Variants in VWF observed in about 807,000 individuals in gnomAD.
The protein encoded by VWF is Factor VIII related antigen.
A neutral mutation model predicts 308.6 loss-of-function variants in VWF; 176 were observed. The observed-to-expected ratio is 0.57, with a 90% CI of 0.50 to 0.65. The LOEUF (loss-of-function observed/expected upper bound fraction) is 0.65. VWF is among the 30% of genes least tolerant of loss of function. The pLI, the probability that VWF is intolerant of heterozygous loss-of-function variation, is 0.00. For missense variants in VWF, 3,146 were observed against 3,648.2 expected, an observed-to-expected ratio of 0.86 and a Z score of 3.55; for synonymous variants, 1,385 against 1,443.4, an observed-to-expected ratio of 0.96 and a Z score of 0.92.
intron 6 of VWF, among the ~76,000 whole-genome samples, chr12:6,078,777 C>G (rs1244556245): frequency 1.3e-5 from 2 of 152,156 alleles, no homozygotes; most frequent in Non-Finnish European, 2.9e-5. Flanking sequence ...GCACCCTCCC[C>G]TCTCAGAGCC....
intron 5 of VWF, among the ~76,000 whole-genome samples, chr12:6,109,402 T>C (rs1027873279): frequency 2.0e-5 from 3 of 152,220 alleles, no homozygotes; most frequent in African/African-American, 7.2e-5. Context: ...GCCCTAAATG[T>C]ACATATCAGA....
chr12:6,105,080 T>C (rs748828504), intron 5 of VWF, among the ~76,000 whole-genome samples: 16 of 152,112 alleles, frequency 1.1e-4, no homozygotes, highest in Non-Finnish European at 2.2e-4. Flanking sequence ...TGATAGATAT[T>C]GGAGACTCAG....
At chr12:6,014,931 T>C (rs1321678871) in intron 31 of VWF, among the ~76,000 whole-genome samples, 1 of 152,234 alleles carries the variant, frequency 6.6e-6, no homozygotes, top group East Asian at 1.9e-4. Context: ...TCTTTCCCAG[T>C]GAAAATCTTT....
At chr12:6,036,852 T>G (rs946574780) in intron 18 of VWF, among the ~76,000 whole-genome samples, 2 of 152,316 alleles carry the variant, frequency 1.3e-5, no homozygotes, top group Non-Finnish European at 2.9e-5. Context: ...AATGCACATA[T>G]TCTTACACCT....
At position 5,969,333 on chromosome 12, in the gene VWF, A is replaced by C. The variant is rs1368057909; in HGVS notation, c.7607T>G (p.Val2536Gly). Residue 2536 changes from valine to glycine, a missense_variant, in exon 45 of 52, where the codon GTG becomes GGG. Physicochemically the swap from Val to Gly is moderately radical, Grantham distance 109 (BLOSUM62 -3). Transcript: ENST00000261405. ...NPCLINECVR[V>G]KEEVFIQQRN... ...TTGTTGTATAAAGACCTCCTCCTTC[A>C]CTCGGACACACTCATTGATGAGGCA... 6.2e-7 allele frequency: 1 copy of C among 1,614,168 alleles called. No homozygotes were observed. The highest frequency in any genetic ancestry group is 2.2e-5 in the East Asian group (1 of 44,860).
chr12:6,040,856 T>C (rs1230215066), intron 18 of VWF, among the ~76,000 whole-genome samples: 2 of 152,166 alleles, frequency 1.3e-5, no homozygotes, highest in African/African-American at 4.8e-5. Context: ...AGGGGTTCTT[T>C]CTCTGCCCCC....
rs780588032 is a variant in VWF at position 5,969,302 on chromosome 12, G to A, written c.7638C>T (p.Asn2546=). 60 of 1,614,064 alleles carry A rather than the reference G, an allele frequency of 3.7e-5. No homozygotes were observed. The highest frequency in any genetic ancestry group is 4.8e-5 in the Non-Finnish European group (57 of 1,180,038). ...VKEEVFIQQR[N]VSCPQLEVPV... is the part of the protein sequence containing the mutation. Reference sequence around the variant, plus strand: ...GGACCTCCAGCTGGGGGCAGGAGACGTTCCTTTGTTGTATAAAGACCTCCT... The same window carrying A: ...GGACCTCCAGCTGGGGGCAGGAGACATTCCTTTGTTGTATAAAGACCTCCT... Residue 2546 remains asparagine (N), a synonymous_variant, in exon 45 of 52, where the codon AAC becomes AAT. Transcript: ENST00000261405.
chr12:6,089,165 C>A (rs988658459), intron 6 of VWF, among the ~76,000 whole-genome samples: 1 of 152,144 alleles, frequency 6.6e-6, no homozygotes, highest in African/African-American at 2.4e-5. Flanking sequence ...GGGGGCCCTG[C>A]GGGACTACAC....
rs746371486 is a variant in VWF at position 6,123,132 on chromosome 12, T to C, written c.55+10A>G. The C allele has an allele frequency of 3.7e-6, 6 of 1,614,154 alleles. No individual in the cohort carries two copies. The South Asian group carries it at 5.5e-5, about 15-fold the overall frequency. On this transcript the variant is annotated intron_variant, in intron 2 of 51. Transcript: ENST00000261405. ...GCAGGAATGAGAAATGGAGGCCCTT[T>C]TGTACCTACCTGGCAAAATGAGGGC...
rs144225315 is a variant in VWF, at chr12:6,029,414, C to T, written c.2895G>A (p.Leu965=). ...AGACCACGGAGAGGGCTTTGCCCAG[C>T]AGCAGAATGATGTACCGGCCAGACT... ...VVESGRYIIL[L]LGKALSVVWD... Residue 965 remains leucine (L), a synonymous_variant, in exon 22 of 52, where the codon CTG becomes CTA. Coordinates refer to ENST00000261405, the MANE Select transcript of VWF (RefSeq NM_000552.5). 7 of 1,614,146 alleles carry T rather than the reference C, an allele frequency of 4.3e-6. No individual in the cohort carries two copies. The highest frequency in any genetic ancestry group is 5.9e-6 in the Non-Finnish European group (7 of 1,180,038).
rs770691586 is a variant in VWF, at chr12:6,110,588, G to A, written c.324-6C>T. ...AGGCATAGGGCATGGAGACTCTGGA[G>A]GGCAAAGGCTAAGTTCAGAAGTGGG... On this transcript the variant is annotated splice_region_variant and splice_polypyrimidine_tract_variant and intron_variant, in intron 4 of 51. Transcript: ENST00000261405. 1 of 1,614,012 alleles carries A rather than the reference G, an allele frequency of 6.2e-7. No individual in the cohort carries two copies. Among genetic ancestry groups the A allele is most frequent in the South Asian group, 1.1e-5 (1 of 91,064 alleles).
In VWF at chr12:6,056,900, C is replaced by T. The variant is rs931656089; in HGVS notation, c.1902G>A (p.Ala634=). Residue 634 remains alanine (A), a synonymous_variant, in exon 15 of 52, where the codon GCG becomes GCA. Transcript: ENST00000261405. The part of the protein sequence containing the change: ...GALASYAAAC[A]GRGVRVAWRE... Reference sequence around the variant, plus strand: ...GCCACGCGACGCGCACGCCTCTCCCCGCGCAGGCCGCGGCATAGCTGGCCA... The same window carrying T: ...GCCACGCGACGCGCACGCCTCTCCCTGCGCAGGCCGCGGCATAGCTGGCCA... 8 of 1,522,498 alleles carry T rather than the reference C, an allele frequency of 5.3e-6. No homozygotes were observed. Among genetic ancestry groups the T allele is most frequent in the East Asian group, 2.5e-5 (1 of 39,906 alleles). 94.3% of individuals were successfully genotyped at this position (1,522,498 alleles called of 1,614,324 possible). A position where few individuals can be genotyped will look rare whatever the true frequency, so the allele number is the denominator to read the frequency against.
chr12:5,993,994 G>A lies in VWF; in HGVS notation c.6466C>T (p.Pro2156Ser), dbSNP rs1216710216. ...TGGCAGATGGCATAGAATGTGGCTG[G>A]AGCCAGGACCTTGTGGCATTCAGCA... ...LFAECHKVLA[P>S]ATFYAICQQD... is the part of the protein sequence containing the mutation. Residue 2156 changes from proline (P) to serine (S), a missense_variant, in exon 37 of 52, where the codon CCA becomes TCA. Coordinates refer to ENST00000261405, the MANE Select transcript of VWF (RefSeq NM_000552.5). The A allele has an allele frequency of 1.2e-6, 2 of 1,614,160 alleles. No homozygotes were observed. Among genetic ancestry groups the A allele is most frequent in the South Asian group, 1.1e-5 (1 of 91,078 alleles).
At chr12:6,026,237 G>A (rs1215442745) in intron 22 of VWF, among the ~76,000 whole-genome samples, 191 bp from the exon 23 acceptor site, 1 of 152,110 alleles carries the variant, frequency 6.6e-6, no homozygotes, top group Non-Finnish European at 1.5e-5. Flanking sequence ...ACCCATTCCT[G>A]AGCTTCCTTG....
Position 6,011,713 on chromosome 12 carries a change from G to C in VWF, c.5746C>G (p.Arg1916Gly). The change falls in exon 34 of 52, where the codon CGG (arginine) becomes GGG (glycine). Residue 1916 changes from arginine (R) to glycine (G), a missense_variant. By Grantham distance (125) the Arg-to-Gly change is moderately radical (BLOSUM62 -2). Around this residue, in one of 3 missense-constraint regions of VWF, gnomAD observed 853 missense variants for 1,177.8 expected, o/e 0.72. Transcript: ENST00000261405. ...PDGQTLLKSH[R>G]VNCDRGLRPS... ...CTCAGCCCCCGGTCACAGTTGACCC[G>C]ATGACTCTTCAGCAAGGTCTGGCCA... is the stretch of plus-strand genomic sequence containing the variant. 7 of 1,613,868 alleles carry C rather than the reference G, an allele frequency of 4.3e-6. No homozygotes were observed. Among genetic ancestry groups the C allele is most frequent in the Non-Finnish European group, 5.9e-6 (7 of 1,179,842 alleles).
At chr12:6,027,280 C>T (rs1455895019) in intron 22 of VWF, among the ~76,000 whole-genome samples, 1 of 152,178 alleles carries the variant, frequency 6.6e-6, no homozygotes, top group African/African-American at 2.4e-5. Flanking sequence ...GGCCTCGGCA[C>T]GTGCTTGTTC....
In VWF at chr12:6,108,328, AAT is replaced by A. The variant is rs200103341; in HGVS notation, c.532+2044_532+2045del. On this transcript the variant is annotated intron_variant, in intron 5 of 51. Transcript: ENST00000261405. ...AAAAAAAGAAAGAAAGAAAGAAAGA[AAT>A]ATATACACACACACACACACACACA... 1.3e-4 allele frequency among the ~76,000 whole-genome samples: 15 copies of A among 118,476 alleles called. No homozygotes were observed. In the East Asian group the frequency reaches 1.3e-3, roughly 10 times the overall value. The allele number at this position is 118,476 out of a possible 152,430, so 77.7% of individuals were successfully genotyped here.
In VWF at chr12:6,023,342, A is replaced by G. The variant is rs183203993; in HGVS notation, c.3379+289T>C. ...TAATCACGCCTAATTAAAGACATAA[A>G]TCGACTTCCTTCTTTTCATCAGTAT... On this transcript the variant is annotated intron_variant, in intron 25 of 51. Transcript: ENST00000261405. Among the ~76,000 whole-genome samples, 57 of 152,242 alleles carry G rather than the reference A, an allele frequency of 3.7e-4. 2 individuals carry two copies. The East Asian group carries it at 0.011, about 29-fold the overall frequency.
intron 34 of VWF, among the ~76,000 whole-genome samples, chr12:6,000,067 TAAAAG>T (rs1354144361): frequency 1.3e-5 from 2 of 151,922 alleles, no homozygotes; most frequent in Non-Finnish European, 2.9e-5. Context: ...AATGGACTCT[TAAAAG>T]AGAAAACAAA....
Sources: allele counts gnomAD v4.1 joint callset (sites outside exome capture counted in the v4.1 genomes callset), GRCh38; gene constraint gnomAD v4.1.1; regional missense constraint gnomAD v4.1.1; transcripts MANE v1.5; gene names NCBI Gene and HGNC (gene_info 2026-07-23, HGNC 2026-07-21).